PARD6G: variants seen among roughly 807,000 people sequenced by gnomAD.
PARD6G encodes partitioning defective 6 homolog gamma.
Under a neutral mutation model 10.7 loss-of-function variants are expected in PARD6G, and 7 were observed. The observed-to-expected ratio is 0.66, with a 90% CI of 0.37 to 1.23. The LOEUF (loss-of-function observed/expected upper bound fraction) is 1.23. PARD6G is among the 50% of genes most tolerant of loss of function. The probability of loss-of-function intolerance (pLI) is 0.02; values close to 1 mark genes in which losing one functional copy is unlikely to be tolerated. For missense variants in PARD6G, 548 were observed against 571.8 expected (o/e 0.96, Z 0.42); for synonymous variants, 287 against 269.4 (o/e 1.07, Z -0.64).
At chr18:80,239,291 G>A (rs1223999827) in intron 1 of PARD6G, among the ~76,000 whole-genome samples, 1 of 152,164 alleles carries the variant, frequency 6.6e-6, no homozygotes, top group Non-Finnish European at 1.5e-5. Flanking sequence ...TTCCCAGTGG[G>A]CTGGTCCTTG....
chr18:80,204,212 T>C (rs561405479), intron 1 of PARD6G, among the ~76,000 whole-genome samples: 6 of 152,290 alleles, frequency 3.9e-5, no homozygotes, highest in Admixed American at 6.5e-5. Flanking sequence ...CCAAAATATA[T>C]ACAAATAAAG....
intron 2 of PARD6G, among the ~76,000 whole-genome samples, chr18:80,191,068 G>A (rs560621985): frequency 1.8e-4 from 27 of 152,328 alleles, no homozygotes; most frequent in African/African-American, 5.8e-4. Flanking sequence ...CACTGGCTCC[G>A]TAACACCAGG....
intron 2 of PARD6G, among the ~76,000 whole-genome samples, chr18:80,185,805 T>A (rs1369383863): frequency 8.1e-6 from 1 of 123,740 alleles, no homozygotes; most frequent in Non-Finnish European, 1.6e-5. Flanking sequence ...CACACACGCA[T>A]ATACCCTGAC....
intron 2 of PARD6G, among the ~76,000 whole-genome samples, chr18:80,190,131 C>A (rs1966884622): frequency 6.6e-6 from 1 of 151,736 alleles, no homozygotes; most frequent in Non-Finnish European, 1.5e-5. Context: ...TTAATCTCTC[C>A]TTTTATTATA....
rs781005721 is a variant in PARD6G, at chr18:80,162,155, G to C, written c.296-1549C>G. On this transcript the variant is annotated intron_variant, in intron 2 of 2. Coordinates refer to ENST00000353265, the MANE Select transcript of PARD6G (RefSeq NM_032510.4). ...TGTCTTCCTGGGAGCTGGCATCCTG[G>C]CCAGCACTCAACACATGCTGCTCAG... 39 of 152,178 alleles carry C rather than the reference G, an allele frequency of 2.6e-4. 1 individual carries two copies. The highest frequency in any genetic ancestry group is 2.0e-3 in the Admixed American group (30 of 15,276). 9.4% of individuals were successfully genotyped at this position (152,178 alleles called of 1,614,324 possible).
chr18:80,188,447 A>G lies in PARD6G; in HGVS notation c.295+14263T>C, dbSNP rs376164662. On this transcript the variant is annotated intron_variant, in intron 2 of 2. Coordinates refer to ENST00000353265, the MANE Select transcript of PARD6G (RefSeq NM_032510.4). This position sits in a 1 kb window ranked among gnomAD's most constrained non-coding sequence, Gnocchi z 5.4. ...TAGGCACCTCCTCATGGTGCCTTCC[A>G]CCTGCAATTCCCGTCCTGGGCAGCA... 2.6e-5 allele frequency among the ~76,000 whole-genome samples: 4 copies of G among 152,048 alleles called. No homozygotes were observed. Among genetic ancestry groups the G allele is most frequent in the African/African-American group, 7.2e-5 (3 of 41,382 alleles).
chr18:80,221,154 C>A (rs983742584), intron 1 of PARD6G, among the ~76,000 whole-genome samples: 2 of 152,114 alleles, frequency 1.3e-5, no homozygotes, highest in Admixed American at 1.3e-4. Context: ...TTCACAAAAT[C>A]AAAATCAAAC....
rs956601113 is a variant in PARD6G, at chr18:80,183,325, G to GA, written c.295+19384dup. ...TCTCAGTGGCTCTAAAACAACAAGC[G>GA]AAAGACAAAAAACCACCAGCATCCG... is the stretch of plus-strand genomic sequence containing the variant. On this transcript the variant is annotated intron_variant, in intron 2 of 2. Coordinates refer to ENST00000353265, the MANE Select transcript of PARD6G (RefSeq NM_032510.4). This position sits in a 1 kb window ranked among gnomAD's most constrained non-coding sequence, Gnocchi z 4.5. 1.1e-4 allele frequency among the ~76,000 whole-genome samples: 17 copies of GA among 152,124 alleles called. No homozygotes were observed. The highest frequency in any genetic ancestry group is 4.1e-4 in the African/African-American group (17 of 41,432).
intron 1 of PARD6G, among the ~76,000 whole-genome samples, chr18:80,219,494 GC>G: frequency 6.6e-6 from 1 of 152,082 alleles, no homozygotes; most frequent in Non-Finnish European, 1.5e-5. Context: ...ACAGGCGTGA[GC>G]CACTGCGCCC....
chr18:80,232,715 C>G (rs1262680019), intron 1 of PARD6G, among the ~76,000 whole-genome samples: 1 of 152,116 alleles, frequency 6.6e-6, no homozygotes, highest in African/African-American at 2.4e-5. Context: ...ATCACTACAC[C>G]TGCCCCATCT....
At chr18:80,236,187 C>G (rs980016703) in intron 1 of PARD6G, among the ~76,000 whole-genome samples, 1 of 152,196 alleles carries the variant, frequency 6.6e-6, no homozygotes, top group Non-Finnish European at 1.5e-5. Context: ...GGATGCAAGG[C>G]TGGTTCAACA....
At chr18:80,226,202 T>G (rs1967288584) in intron 1 of PARD6G, among the ~76,000 whole-genome samples, 1 of 145,112 alleles carries the variant, frequency 6.9e-6, no homozygotes, top group Non-Finnish European at 1.5e-5. Flanking sequence ...GGAGTTTCTC[T>G]CTTTGTTGCG....
intron 2 of PARD6G, among the ~76,000 whole-genome samples, chr18:80,186,430 CAT>C (rs1427798420): frequency 7.1e-6 from 1 of 140,810 alleles, no homozygotes; most frequent in Non-Finnish European, 1.5e-5. Context: ...TATGCCCTCA[CAT>C]ATGCTTGCAC....
At chr18:80,235,201 A>G (rs1235223866) in intron 1 of PARD6G, among the ~76,000 whole-genome samples, 1 of 152,222 alleles carries the variant, frequency 6.6e-6, no homozygotes, top group East Asian at 1.9e-4. Flanking sequence ...AGGATTAAGA[A>G]ACTCACTCAA....
chr18:80,232,753 A>C (rs1394010243), intron 1 of PARD6G, among the ~76,000 whole-genome samples: 1 of 152,174 alleles, frequency 6.6e-6, no homozygotes, highest in Admixed American at 6.5e-5. Context: ...CACAAGGCCA[A>C]ACACGCCCAC....
intron 1 of PARD6G, among the ~76,000 whole-genome samples, chr18:80,222,088 T>C (rs374882537): frequency 6.6e-6 from 1 of 152,024 alleles, no homozygotes; most frequent in East Asian, 1.9e-4. Context: ...ATTTTTTTCT[T>C]TTTTCTTTTT....
intron 1 of PARD6G, among the ~76,000 whole-genome samples, chr18:80,208,951 T>G (rs189257782): frequency 6.6e-6 from 1 of 151,682 alleles, no homozygotes; most frequent in East Asian, 1.9e-4. Flanking sequence ...ACAGAAAAAC[T>G]TAGGCAGGCG....
Position 80,189,016 on chromosome 18 carries a change from GGGCA to G in PARD6G, c.295+13690_295+13693del, listed in dbSNP as rs537633222. 1.4e-4 allele frequency among the ~76,000 whole-genome samples: 22 copies of G among 152,278 alleles called. No homozygotes were observed. The South Asian group carries it at 4.4e-3, about 30-fold the overall frequency. Reference sequence around the variant, plus strand: ...GCCCGGGGTTGCCTGACACTCTCTGGGGCAGAGAACCCAGTTCTAGGGGCTGCCC... The same window carrying G: ...GCCCGGGGTTGCCTGACACTCTCTGGGAGAACCCAGTTCTAGGGGCTGCCC... On this transcript the variant is annotated intron_variant, in intron 2 of 2. Coordinates refer to ENST00000353265, the MANE Select transcript of PARD6G (RefSeq NM_032510.4). This position sits in a 1 kb window ranked among gnomAD's most constrained non-coding sequence, Gnocchi z 5.5.
At chr18:80,235,635 A>C (rs961651246) in intron 1 of PARD6G, among the ~76,000 whole-genome samples, 11 of 152,206 alleles carry the variant, frequency 7.2e-5, no homozygotes, top group African/African-American at 2.4e-4. Context: ...AGAAGAGAGA[A>C]GAATCAAATA....
Sources: allele counts gnomAD v4.1 joint callset (sites outside exome capture counted in the v4.1 genomes callset), GRCh38; gene constraint gnomAD v4.1.1; non-coding constraint Gnocchi (gnomAD v3.1); transcripts MANE v1.5; gene names NCBI Gene and HGNC (gene_info 2026-07-23, HGNC 2026-07-21).